The following ZNF536 variants were observed in gnomAD, a reference collection of about 807,000 sequenced individuals.
The protein encoded by ZNF536 is zinc finger protein 536.
ZNF536 carries 13 observed loss-of-function variants against 84.5 expected under a neutral mutation model. The ratio of observed to expected loss-of-function variants is 0.15; its 90% CI spans 0.10 to 0.24. The LOEUF (loss-of-function observed/expected upper bound fraction) is 0.24. ZNF536 is among the 10% of genes least tolerant of loss of function. ZNF536 has a pLI of 1.00. For synonymous variants in ZNF536, 811 were observed against 742.5 expected, an observed-to-expected ratio of 1.09 and a Z score of -1.50; for missense variants, 1,536 against 1,747.5, an observed-to-expected ratio of 0.88 and a Z score of 2.16.
intron 3 of ZNF536, among the ~76,000 whole-genome samples, chr19:30,359,400 G>A (rs762076871): frequency 3.3e-5 from 5 of 152,184 alleles, no homozygotes; most frequent in Non-Finnish European, 7.4e-5. Flanking sequence ...CTGGCCCCAC[G>A]CTTCTCCTGG....
intron 2 of ZNF536, among the ~76,000 whole-genome samples, chr19:30,466,720 G>A (rs2053417834): frequency 7.0e-6 from 1 of 143,796 alleles, no homozygotes; most frequent in Non-Finnish European, 1.5e-5. Context: ...TAGGAAGGAA[G>A]GAAGGAAGGA....
intron 4 of ZNF536, chr19:30,553,910 C>T (rs1323716129): frequency 6.6e-6 from 1 of 152,136 alleles, no homozygotes; most frequent in Non-Finnish European, 1.5e-5. Context: ...ACCTAGTGAC[C>T]CAGTGGGCCT....
chr19:30,671,703 G>T (rs1489481373), intron 1 of ZNF536, among the ~76,000 whole-genome samples: 2 of 152,182 alleles, frequency 1.3e-5, no homozygotes, highest in Non-Finnish European at 2.9e-5. Context: ...TATAGCACCT[G>T]CGCTATCTCA....
intron 1 of ZNF536, among the ~76,000 whole-genome samples, chr19:30,566,602 G>T (rs983382431): frequency 6.6e-6 from 1 of 152,268 alleles, no homozygotes; most frequent in East Asian, 1.9e-4. Flanking sequence ...TTCAGAGCTG[G>T]ACAGTGGAGG....
At chr19:30,641,559 A>G (rs780740261) in intron 1 of ZNF536, among the ~76,000 whole-genome samples, 4 of 152,194 alleles carry the variant, frequency 2.6e-5, no homozygotes, top group African/African-American at 4.8e-5. Context: ...ACTGTTTCCA[A>G]TGTTTTTATT....
intron 1 of ZNF536, among the ~76,000 whole-genome samples, chr19:30,584,949 T>C (rs1170032406): frequency 6.6e-6 from 1 of 151,868 alleles, no homozygotes; most frequent in African/African-American, 2.4e-5. Flanking sequence ...ACTTAAAAAT[T>C]AGCTGGGCAT....
intron 1 of ZNF536, among the ~76,000 whole-genome samples, chr19:30,256,885 C>T (rs1440123556): frequency 6.6e-6 from 1 of 152,104 alleles, no homozygotes; most frequent in Admixed American, 6.5e-5. Context: ...ACATTTACAA[C>T]AGTAAAACTG....
intron 2 of ZNF536, among the ~76,000 whole-genome samples, chr19:30,484,574 CT>C (rs2054221819): frequency 6.6e-6 from 1 of 151,860 alleles, no homozygotes; most frequent in African/African-American, 2.4e-5. Flanking sequence ...TCGCCCCATC[CT>C]TGTTCTTTCT....
chr19:30,574,459 T>TA (rs1186901277), intron 1 of ZNF536, among the ~76,000 whole-genome samples: 1 of 152,236 alleles, frequency 6.6e-6, no homozygotes, highest in Non-Finnish European at 1.5e-5. Flanking sequence ...TGGCCCCCAT[T>TA]AGGTGCTCAA....
intron 1 of ZNF536, among the ~76,000 whole-genome samples, chr19:30,246,153 A>G (rs2024261349): frequency 6.6e-6 from 1 of 152,144 alleles, no homozygotes; most frequent in African/African-American, 2.4e-5. Flanking sequence ...ATCACAGAGG[A>G]TGATTGCAGA....
At chr19:30,297,907 C>G (rs1278601781) in intron 2 of ZNF536, among the ~76,000 whole-genome samples, 1 of 149,510 alleles carries the variant, frequency 6.7e-6, no homozygotes, top group Admixed American at 6.8e-5. Context: ...ACGGAGTCCC[C>G]CCCCCCTCTG....
At chr19:30,689,914 C>T (rs536223957) in intron 1 of ZNF536, among the ~76,000 whole-genome samples, 2 of 152,250 alleles carry the variant, frequency 1.3e-5, no homozygotes, top group Admixed American at 6.5e-5. Context: ...AAAATTTCAG[C>T]GTGGCTTTTC....
chr19:30,366,523 G>T (rs1035518042), intron 3 of ZNF536, among the ~76,000 whole-genome samples: 5 of 148,388 alleles, frequency 3.4e-5, no homozygotes, highest in Admixed American at 2.7e-4. Flanking sequence ...TATGTATTTA[G>T]CATCTCTCTA....
intron 1 of ZNF536, among the ~76,000 whole-genome samples, chr19:30,594,269 G>A (rs529234934): frequency 1.3e-4 from 20 of 152,322 alleles, no homozygotes; most frequent in Admixed American, 9.1e-4. Context: ...ACGGCCAGCA[G>A]CCAGGTTCTC....
chr19:30,466,584 A>AG (rs1555775077), intron 2 of ZNF536, among the ~76,000 whole-genome samples: 17 of 144,362 alleles, frequency 1.2e-4, no homozygotes, highest in African/African-American at 3.9e-4. Flanking sequence ...GAAAGAAAGA[A>AG]AGAGAGAGAG....
At chr19:30,667,653 G>A (rs2050386039) in intron 1 of ZNF536, among the ~76,000 whole-genome samples, 1 of 97,388 alleles carries the variant, frequency 1.0e-5, no homozygotes, top group South Asian at 2.8e-4. Flanking sequence ...TTAATGAGAA[G>A]TGAGGTAATC....
intron 1 of ZNF536, among the ~76,000 whole-genome samples, chr19:30,408,751 C>T (rs2050365719): frequency 6.6e-6 from 1 of 151,644 alleles, no homozygotes; most frequent in South Asian, 2.1e-4. Flanking sequence ...TCCATCTGTC[C>T]ATCATCCATC....
intron 1 of ZNF536, among the ~76,000 whole-genome samples, chr19:30,672,146 A>G (rs1177075074): frequency 1.3e-5 from 2 of 152,272 alleles, no homozygotes; most frequent in Non-Finnish European, 2.9e-5. Context: ...GAGAAACTGA[A>G]CCCAGACAGA....
At chr19:30,709,248 A>G (rs1030409517) in intron 1 of ZNF536, among the ~76,000 whole-genome samples, 38 of 152,180 alleles carry the variant, frequency 2.5e-4, no homozygotes, top group African/African-American at 9.2e-4. Flanking sequence ...AAGAGTCACT[A>G]TTCAAAATCT....
Sources: allele counts gnomAD v4.1 joint callset (sites outside exome capture counted in the v4.1 genomes callset), GRCh38; gene constraint gnomAD v4.1.1; transcripts MANE v1.5; gene names NCBI Gene and HGNC (gene_info 2026-07-23, HGNC 2026-07-21).